RBFOX1: variants seen among roughly 807,000 people sequenced by gnomAD.
RBFOX1 encodes the protein RNA binding fox-1 homolog 1.
A neutral mutation model predicts 57.7 loss-of-function variants in RBFOX1; 8 were observed. The observed-to-expected ratio is 0.14, with a 90% CI of 0.08 to 0.25. RBFOX1 has a LOEUF of 0.25. Ranked by LOEUF, RBFOX1 falls within the 10% of genes least tolerant of loss-of-function variation. The probability of loss-of-function intolerance (pLI) is 1.00; values close to 1 mark genes in which losing one functional copy is unlikely to be tolerated. For synonymous variants in RBFOX1, 326 were observed against 222.4 expected, an observed-to-expected ratio of 1.47 and a Z score of -4.15; for missense variants, 611 against 548.5, an observed-to-expected ratio of 1.11 and a Z score of -1.14.
rs9937533 is a variant in RBFOX1, at chr16:6,184,273, G to A, written c.-126-132722G>A. 4.4e-3 allele frequency among the ~76,000 whole-genome samples: 668 copies of A among 152,246 alleles called. 2 individuals are homozygous for A. The highest frequency in any genetic ancestry group is 0.015 in the African/African-American group (614 of 41,556). Reference sequence around the variant, plus strand: ...GGGACACAGCCAAACCATATCAGAGGATGTTGAGCACATGAGCAACATGAC... The same window carrying A: ...GGGACACAGCCAAACCATATCAGAGAATGTTGAGCACATGAGCAACATGAC... On this transcript the variant is annotated intron_variant, in intron 1 of 15. Coordinates refer to ENST00000550418, the MANE Select transcript of RBFOX1 (RefSeq NM_018723.4).
chr16:5,661,261 A>G (rs914068316), intron 3 of RBFOX1, among the ~76,000 whole-genome samples: 1 of 152,216 alleles, frequency 6.6e-6, no homozygotes, highest in Non-Finnish European at 1.5e-5. Flanking sequence ...GTAATATGAC[A>G]TACGCTATAT....
At chr16:7,070,592 G>A (rs540841264) in intron 4 of RBFOX1, among the ~76,000 whole-genome samples, 1 of 152,134 alleles carries the variant, frequency 6.6e-6, no homozygotes, top group Non-Finnish European at 1.5e-5. Context: ...CTGAGTTTAC[G>A]TTTAAGTGGT....
chr16:7,485,947 T>C (rs187252523), intron 4 of RBFOX1, among the ~76,000 whole-genome samples: 3 of 152,272 alleles, frequency 2.0e-5, no homozygotes, highest in East Asian at 3.9e-4. Context: ...GCTGTTTTGC[T>C]ACAACTGTGA....
intron 2 of RBFOX1, among the ~76,000 whole-genome samples, chr16:6,570,554 T>A (rs1329355700): frequency 6.6e-6 from 1 of 152,182 alleles, no homozygotes; most frequent in African/African-American, 2.4e-5. Context: ...CATGTATGCT[T>A]AATTGGAAAA....
At chr16:6,914,570 A>AG (rs1439143187) in intron 3 of RBFOX1, among the ~76,000 whole-genome samples, 2 of 152,050 alleles carry the variant, frequency 1.3e-5, no homozygotes, top group African/African-American at 4.8e-5. Flanking sequence ...AAATAAAAAA[A>AG]AAAACCCAAA....
chr16:6,660,285 G>A (rs1302253133), intron 3 of RBFOX1, among the ~76,000 whole-genome samples: 1 of 151,642 alleles, frequency 6.6e-6, no homozygotes, highest in Admixed American at 6.6e-5. Context: ...AATAGCTAAT[G>A]CATGCTGGGC....
At chr16:6,808,160 A>ATATG (rs2087395779) in intron 3 of RBFOX1, among the ~76,000 whole-genome samples, 1 of 140,098 alleles carries the variant, frequency 7.1e-6, no homozygotes, top group Non-Finnish European at 1.5e-5. Flanking sequence ...TACCTTATAT[A>ATATG]TGTGTGTGTG....
intron 2 of RBFOX1, among the ~76,000 whole-genome samples, chr16:6,358,030 A>G (rs923403424): frequency 2.0e-5 from 3 of 152,126 alleles, no homozygotes; most frequent in African/African-American, 7.2e-5. Context: ...GTGTCAAAGC[A>G]ACCTGAAGTT....
intron 3 of RBFOX1, among the ~76,000 whole-genome samples, chr16:6,659,656 A>G (rs2098688820): frequency 6.6e-6 from 1 of 152,100 alleles, no homozygotes; most frequent in Non-Finnish European, 1.5e-5. Context: ...TAGTTTCAAT[A>G]CTACCCTGCT....
At position 6,291,212 on chromosome 16, in the gene RBFOX1, C is replaced by G. The variant is rs144674462; in HGVS notation, c.-126-25783C>G. 1.7e-4 allele frequency among the ~76,000 whole-genome samples: 26 copies of G among 152,244 alleles called. No individual in the cohort carries two copies. In the South Asian group the frequency reaches 2.7e-3, roughly 16 times the overall value. On this transcript the variant is annotated intron_variant, in intron 1 of 15. Coordinates refer to ENST00000550418, the MANE Select transcript of RBFOX1 (RefSeq NM_018723.4). ...TTCTTGACCTGTATTTTGTGCCAAC[C>G]TCTTATCTCAGCCTGTGAATTAGAA...
At chr16:6,541,541 G>A (rs1200168512) in intron 2 of RBFOX1, among the ~76,000 whole-genome samples, 2 of 152,196 alleles carry the variant, frequency 1.3e-5, no homozygotes, top group South Asian at 4.1e-4. Flanking sequence ...ATAGGGCATA[G>A]TGAATGGAAT....
intron 2 of RBFOX1, among the ~76,000 whole-genome samples, chr16:5,564,949 C>G (rs554499286): frequency 6.6e-6 from 1 of 152,116 alleles, no homozygotes; most frequent in African/African-American, 2.4e-5. Context: ...TAGTTTCTTA[C>G]ATGGATTGGT....
chr16:7,096,138 C>G (rs7198610), intron 4 of RBFOX1, among the ~76,000 whole-genome samples: 5,833 of 152,124 alleles, frequency 0.038, 114 homozygotes, highest in African/African-American at 0.047. Context: ...CTTCATATAA[C>G]TTACATGTAG....
chr16:5,916,704 A>G (rs566080518), intron 4 of RBFOX1, among the ~76,000 whole-genome samples: 1 of 152,158 alleles, frequency 6.6e-6, no homozygotes, highest in South Asian at 2.1e-4. Context: ...TCAGGTGAGA[A>G]AGCTGCCGGG....
intron 4 of RBFOX1, among the ~76,000 whole-genome samples, chr16:7,116,446 C>G (rs532695271): frequency 6.6e-6 from 1 of 152,242 alleles, no homozygotes; most frequent in South Asian, 2.1e-4. Flanking sequence ...CTCTGCCCAT[C>G]CCAAACTCTC....
chr16:7,319,348 C>T (rs567896061), intron 4 of RBFOX1, among the ~76,000 whole-genome samples: 13 of 151,894 alleles, frequency 8.6e-5, no homozygotes, highest in Admixed American at 2.6e-4. Flanking sequence ...GATAGGTGGG[C>T]GTGTAGAAAA....
At chr16:6,032,991 T>C (rs2095312112) in intron 1 of RBFOX1, among the ~76,000 whole-genome samples, 1 of 151,806 alleles carries the variant, frequency 6.6e-6, no homozygotes, top group South Asian at 2.1e-4. Context: ...TGATAACAGC[T>C]CCTTATTTCA....
At chr16:7,212,053 G>T (rs544598963) in intron 4 of RBFOX1, among the ~76,000 whole-genome samples, 2 of 152,090 alleles carry the variant, frequency 1.3e-5, no homozygotes, top group Non-Finnish European at 2.9e-5. Context: ...GGCCAAGAAG[G>T]TTCCTAACAA....
intron 3 of RBFOX1, among the ~76,000 whole-genome samples, chr16:6,694,044 A>G (rs975267276): frequency 6.6e-6 from 1 of 152,238 alleles, no homozygotes; most frequent in Non-Finnish European, 1.5e-5. Flanking sequence ...TGTGTTTGTC[A>G]TATGTCACTA....
Sources: allele counts gnomAD v4.1 joint callset (sites outside exome capture counted in the v4.1 genomes callset), GRCh38; gene constraint gnomAD v4.1.1; transcripts MANE v1.5; gene names NCBI Gene and HGNC (gene_info 2026-07-23, HGNC 2026-07-21).